Variants in SLMAP observed in about 807,000 individuals in gnomAD.
SLMAP encodes the protein sarcolemmal membrane-associated protein.
In SLMAP, 44 loss-of-function variants were observed where a neutral mutation model predicts 128.8. The ratio of observed to expected loss-of-function variants is 0.34; its 90% CI spans 0.27 to 0.44. The LOEUF is 0.44. Among genes scored for constraint, SLMAP ranks in the 20% least tolerant of loss-of-function variants. The pLI, the probability that SLMAP is intolerant of heterozygous loss-of-function variation, is 1.00. For synonymous variants in SLMAP, 327 were observed against 348.8 expected, an observed-to-expected ratio of 0.94 and a Z score of 0.70; for missense variants, 787 against 985.3, an observed-to-expected ratio of 0.80 and a Z score of 2.69.
chr3:57,787,267 C>T (rs2084404200), intron 2 of SLMAP, among the ~76,000 whole-genome samples: 1 of 152,148 alleles, frequency 6.6e-6, no homozygotes, highest in African/African-American at 2.4e-5. Context: ...ATAACTCTGA[C>T]ATCGAGTTAT....
chr3:57,861,731 A>T (rs897446638), intron 9 of SLMAP, among the ~76,000 whole-genome samples: 5 of 151,776 alleles, frequency 3.3e-5, no homozygotes, highest in African/African-American at 4.8e-5. Context: ...CTCCACTTTT[A>T]TTTTTTTGTT....
intron 3 of SLMAP, among the ~76,000 whole-genome samples, chr3:57,836,010 T>G (rs1166246558): frequency 6.6e-6 from 1 of 152,146 alleles, no homozygotes; most frequent in Admixed American, 6.5e-5. Flanking sequence ...GGAAGCATAA[T>G]TTTAAAACTC....
intron 2 of SLMAP, among the ~76,000 whole-genome samples, chr3:57,808,061 T>C (rs1458805779): frequency 6.6e-6 from 1 of 151,992 alleles, no homozygotes; most frequent in Non-Finnish European, 1.5e-5. Context: ...TTGTATAGAG[T>C]TGTTTATTTT....
chr3:57,861,040 C>G (rs1278671440), intron 9 of SLMAP, among the ~76,000 whole-genome samples: 1 of 152,132 alleles, frequency 6.6e-6, no homozygotes, highest in Admixed American at 6.6e-5. Context: ...TAGTCAATGG[C>G]TGAGGAAATA....
At chr3:57,860,893 C>T in intron 9 of SLMAP, 54 bp downstream of exon 9, 6 of 1,403,816 alleles carry the variant, frequency 4.3e-6, no homozygotes, top group Non-Finnish European at 5.8e-6. Context: ...TCAAAAAAAT[C>T]TCAAGCATTC....
At chr3:57,782,889 C>T (rs78422637) in intron 2 of SLMAP, among the ~76,000 whole-genome samples, 3,130 of 152,264 alleles carry the variant, frequency 0.021, 44 homozygotes, top group Non-Finnish European at 0.035. Flanking sequence ...TCCTGCCTTT[C>T]CATGTTCTGC....
At chr3:57,868,630 G>A (rs2095370863) in intron 13 of SLMAP, among the ~76,000 whole-genome samples, 1 of 151,140 alleles carries the variant, frequency 6.6e-6, no homozygotes, top group African/African-American at 2.4e-5. Flanking sequence ...GGGAGGCTGA[G>A]GAGGGAGGAT....
chr3:57,766,425 G>A (rs1222224930), intron 2 of SLMAP, among the ~76,000 whole-genome samples: 1 of 152,026 alleles, frequency 6.6e-6, no homozygotes, highest in Non-Finnish European at 1.5e-5. Context: ...AGATTGTGAA[G>A]TTAACTCTTA....
At chr3:57,808,888 A>G (rs1042305584) in intron 2 of SLMAP, among the ~76,000 whole-genome samples, 7 of 152,220 alleles carry the variant, frequency 4.6e-5, no homozygotes, top group Admixed American at 1.3e-4. Flanking sequence ...GTAGCAGTCT[A>G]AGTCTCTTTG....
At chr3:57,915,703 T>C (rs902151703) in intron 21 of SLMAP, among the ~76,000 whole-genome samples, 8 of 152,210 alleles carry the variant, frequency 5.3e-5, no homozygotes, top group African/African-American at 1.7e-4. Flanking sequence ...CTTTAGCTAT[T>C]TATGGGAGCC....
At chr3:57,869,152 G>A (rs1462561257) in intron 13 of SLMAP, among the ~76,000 whole-genome samples, 1 of 149,552 alleles carries the variant, frequency 6.7e-6, no homozygotes, top group Non-Finnish European at 1.5e-5. Flanking sequence ...GCCAGTCTGA[G>A]TTCCAAAACT....
chr3:57,766,419 T>G (rs769761442), intron 2 of SLMAP, among the ~76,000 whole-genome samples: 76 of 152,208 alleles, frequency 5.0e-4, no homozygotes, highest in Middle Eastern at 3.4e-3. Flanking sequence ...GTGAAAAGAT[T>G]GTGAAGTTAA....
chr3:57,862,453 C>T (rs559053933), intron 10 of SLMAP, among the ~76,000 whole-genome samples: 26 of 151,914 alleles, frequency 1.7e-4, no homozygotes, highest in African/African-American at 5.3e-4. Flanking sequence ...TCCTGGCCAA[C>T]ATGGTGAAAC....
chr3:57,901,468 TATAA>T (rs2096377946), intron 17 of SLMAP: 1 of 152,198 alleles, frequency 6.6e-6, no homozygotes, highest in African/African-American at 2.4e-5. Context: ...GAAATGACTC[TATAA>T]ATAGTGTGTC....
rs574720769 is a variant in SLMAP, at chr3:57,917,289, A to G, written c.2310+212A>G. Reference sequence around the variant, plus strand: ...CAGTAGGGTTGGTCTCAAAAATATAATATACAAAACTACATTTTAATTTTT... The same window carrying G: ...CAGTAGGGTTGGTCTCAAAAATATAGTATACAAAACTACATTTTAATTTTT... On this transcript the variant is annotated intron_variant, in intron 22 of 24. Coordinates refer to ENST00000671191, the MANE Select transcript of SLMAP (RefSeq NM_001377540.1). 196 of 1,280,728 alleles carry G rather than the reference A, an allele frequency of 1.5e-4. No homozygotes were observed. The African/African-American group carries it at 2.5e-3, about 16-fold the overall frequency. 79.3% of individuals were successfully genotyped at this position (1,280,728 alleles called of 1,614,324 possible).
chr3:57,820,710 G>A (rs1000192170), intron 2 of SLMAP, among the ~76,000 whole-genome samples: 5 of 152,324 alleles, frequency 3.3e-5, no homozygotes, highest in African/African-American at 1.2e-4. Context: ...AGATAGGTAA[G>A]CAAACCTTAG....
At chr3:57,857,425 CAAT>C (rs550976057) in intron 6 of SLMAP, among the ~76,000 whole-genome samples, 79 of 151,978 alleles carry the variant, frequency 5.2e-4, no homozygotes, top group Non-Finnish European at 8.8e-4. Context: ...AAGAAATTAA[CAAT>C]AATAATAAAA....
At chr3:57,796,306 T>C (rs1262241978) in intron 2 of SLMAP, among the ~76,000 whole-genome samples, 1 of 152,260 alleles carries the variant, frequency 6.6e-6, no homozygotes, top group Non-Finnish European at 1.5e-5. Context: ...TCAGCTGTTT[T>C]GTGTATTTGT....
In SLMAP at chr3:57,841,353, A is replaced by G; in HGVS notation, c.401A>G (p.Glu134Gly). ...TIKLFLPDGM[E>G]ARLRSDVIHA... ...AAACTTTTTCTACCAGATGGTATGG[A>G]AGCCCGGCTCCGCTCAGAGTGAGTA... The change falls in exon 4 of 25, where the codon GAA becomes GGA. Residue 134 changes from glutamate to glycine, a missense_variant. This residue lies in a region of SLMAP where 715 missense variants were observed against 843.6 expected (regional missense o/e 0.85). Transcript: ENST00000671191. 1 of 1,609,208 alleles carries G rather than the reference A, an allele frequency of 6.2e-7. No individual in the cohort carries two copies. The highest frequency in any genetic ancestry group is 1.1e-5 in the South Asian group (1 of 90,620).
Sources: allele counts gnomAD v4.1 joint callset (sites outside exome capture counted in the v4.1 genomes callset), GRCh38; gene constraint gnomAD v4.1.1; regional missense constraint gnomAD v4.1.1; transcripts MANE v1.5; gene names NCBI Gene and HGNC (gene_info 2026-07-23, HGNC 2026-07-21).